Variants in SCN3A observed in about 807,000 individuals in gnomAD.
The protein encoded by SCN3A is sodium channel protein type 3 subunit alpha.
In SCN3A, 60 loss-of-function variants were observed where a neutral mutation model predicts 187.6. That is an observed-to-expected ratio of 0.32 (90% CI 0.26 to 0.40). SCN3A has a LOEUF of 0.40. Among genes scored for constraint, SCN3A ranks in the 10% least tolerant of loss-of-function variants. The pLI, the probability that SCN3A is intolerant of heterozygous loss-of-function variation, is 1.00. For missense variants in SCN3A, 1,601 were observed against 2,428.2 expected, an observed-to-expected ratio of 0.66 and a Z score of 7.16; for synonymous variants, 788 against 829.2, an observed-to-expected ratio of 0.95 and a Z score of 0.85.
chr2:165,159,650 C>T (rs1289194405), intron 9 of SCN3A, among the ~76,000 whole-genome samples: 1 of 133,654 alleles, frequency 7.5e-6, no homozygotes, highest in Non-Finnish European at 1.5e-5. Context: ...GAATGAGCTA[C>T]TTCACCTAGC....
chr2:165,171,456 G>A (rs1214138483), intron 3 of SCN3A, among the ~76,000 whole-genome samples: 5 of 151,996 alleles, frequency 3.3e-5, no homozygotes, highest in Admixed American at 2.0e-4. Flanking sequence ...TTATGTCAGA[G>A]GTTCTTAATC....
chr2:165,117,069 T>G (rs1686408382), intron 18 of SCN3A, among the ~76,000 whole-genome samples: 1 of 151,886 alleles, frequency 6.6e-6, no homozygotes, highest in African/African-American at 2.4e-5. Context: ...TTTATTCATT[T>G]AAGAAAGACC....
chr2:165,177,110 T>A (rs1270771063), intron 2 of SCN3A, among the ~76,000 whole-genome samples: 2 of 152,200 alleles, frequency 1.3e-5, no homozygotes. Context: ...CTATCTTTAG[T>A]ATTTCCTTTC....
chr2:165,092,444 G>T lies in SCN3A; in HGVS notation c.4617C>A (p.Asn1539Lys). 6.2e-7 allele frequency: 1 copy of T among 1,614,028 alleles called. No individual in the cohort carries two copies. The highest frequency in any genetic ancestry group is 8.5e-7 in the Non-Finnish European group (1 of 1,179,942). ...CCGTTTCCACCATCATGGTGACCAT[G>T]TTGAGGCAGATGAGGATCATGATGC... ...DISIMILICL[N>K]MVTMMVETDD... is the part of the protein sequence containing the mutation. Residue 1539 changes from asparagine to lysine, a missense_variant, in exon 27 of 28, where the codon AAC becomes AAA. Asn to Lys is a moderately conservative substitution (Grantham distance 94). Around this residue, in one of 11 missense-constraint regions of SCN3A, gnomAD observed 320 missense variants for 623.2 expected, o/e 0.51. Coordinates refer to ENST00000283254, the MANE Select transcript of SCN3A (RefSeq NM_006922.4). This position sits in a 1 kb window ranked among gnomAD's most constrained non-coding sequence, Gnocchi z 4.2.
chr2:165,202,026 C>A (rs987611554), intron 1 of SCN3A, among the ~76,000 whole-genome samples: 1 of 152,068 alleles, frequency 6.6e-6, no homozygotes. Context: ...GATCCCAAGA[C>A]TTTCAGCTCA....
At chr2:165,155,042 G>A (rs1456691619) in intron 10 of SCN3A, among the ~76,000 whole-genome samples, 1 of 152,070 alleles carries the variant, frequency 6.6e-6, no homozygotes, top group Non-Finnish European at 1.5e-5. Context: ...GATGACTTTT[G>A]CTCCCCTCCC....
chr2:165,172,400 A>G (rs1690163984), intron 3 of SCN3A, among the ~76,000 whole-genome samples: 1 of 152,182 alleles, frequency 6.6e-6, no homozygotes, highest in Admixed American at 6.5e-5. Flanking sequence ...CTTTACTAGC[A>G]GTAGGACTGT....
intron 1 of SCN3A, among the ~76,000 whole-genome samples, chr2:165,192,887 T>C (rs562559765): frequency 3.3e-5 from 5 of 152,260 alleles, no homozygotes; most frequent in East Asian, 1.9e-4. Flanking sequence ...GTGGATACAA[T>C]TGCCCAAACA....
intron 9 of SCN3A, among the ~76,000 whole-genome samples, chr2:165,161,039 T>A (rs1361568681): frequency 6.6e-6 from 1 of 152,104 alleles, no homozygotes; most frequent in Admixed American, 6.5e-5. Context: ...CCTTCTACTT[T>A]AGCCCCCTGA....
intron 22 of SCN3A, among the ~76,000 whole-genome samples, chr2:165,099,504 G>A (rs1685505509): frequency 2.0e-5 from 3 of 152,148 alleles, no homozygotes; most frequent in Non-Finnish European, 4.4e-5. Context: ...GGATCATGAG[G>A]TCAGGGGATC....
chr2:165,115,330 A>T, intron 19 of SCN3A, 125 bp downstream of exon 19: 1 of 1,226,738 alleles, frequency 8.2e-7, no homozygotes, highest in Non-Finnish European at 1.2e-6. Flanking sequence ...GCCTCCCAAA[A>T]TTTTGGGGTT....
At chr2:165,118,199 A>G (rs1214066447) in intron 18 of SCN3A, among the ~76,000 whole-genome samples, 2 of 151,868 alleles carry the variant, frequency 1.3e-5, no homozygotes, top group Admixed American at 6.6e-5. Context: ...ATAGAGAGGG[A>G]CAGTGATCAC....
Position 165,090,227 on chromosome 2 carries a change from G to A in SCN3A, c.5926C>T (p.Pro1976Ser). ...SPPSYDSVTK[P>S]DKEKFEKDKP... ...TCTTTCTCAAACTTTTCCTTGTCTGGTTTTGTTACACTATCATAGGAAGGA... is the reference window on the plus strand; with the variant it reads ...TCTTTCTCAAACTTTTCCTTGTCTGATTTTGTTACACTATCATAGGAAGGA... Residue 1976 changes from proline to serine, a missense_variant, in exon 28 of 28, where the codon CCA (proline) becomes TCA (serine). By Grantham distance (74) the Pro-to-Ser change is moderately conservative. Around this residue, in one of 11 missense-constraint regions of SCN3A, gnomAD observed 87 missense variants for 89.2 expected, o/e 0.98. Transcript: ENST00000283254. The surrounding 1 kb of genome is among the most constrained non-coding windows in gnomAD (Gnocchi z 4.0). 6.2e-7 allele frequency: 1 copy of A among 1,609,038 alleles called. No homozygotes were observed. The highest frequency in any genetic ancestry group is 8.5e-7 in the Non-Finnish European group (1 of 1,176,828).
At chr2:165,120,200 A>C (rs894652421) in intron 18 of SCN3A, among the ~76,000 whole-genome samples, 1 of 152,024 alleles carries the variant, frequency 6.6e-6, no homozygotes, top group Non-Finnish European at 1.5e-5. Flanking sequence ...CTGATCCAAG[A>C]ACCATGTCCT....
At chr2:165,201,456 C>G (rs1312561006) in intron 1 of SCN3A, among the ~76,000 whole-genome samples, 1 of 151,918 alleles carries the variant, frequency 6.6e-6, no homozygotes, top group Non-Finnish European at 1.5e-5. Context: ...TTATGTTTGT[C>G]CTGTTCCTTT....
rs912224991 is a variant in SCN3A, at chr2:165,197,970, G to A, written c.-248+5853C>T. ...ACAATAAAACAGTTTAGAATTTTGA[G>A]ACCATACAGGTCTCAAGGACATGTA... On this transcript the variant is annotated intron_variant, in intron 1 of 27. Transcript: ENST00000283254. Among the ~76,000 whole-genome samples the A allele has an allele frequency of 2.7e-5, 4 of 150,104 alleles. No homozygotes were observed. In the East Asian group the frequency reaches 7.8e-4, roughly 29 times the overall value.
In SCN3A at chr2:165,191,927, GT is replaced by G. The variant is rs568673095; in HGVS notation, c.-247-5181del. Among the ~76,000 whole-genome samples, 708 of 144,756 alleles carry G rather than the reference GT, an allele frequency of 4.9e-3. 4 individuals are homozygous for G. Among genetic ancestry groups the G allele is most frequent in the Middle Eastern group, 0.029 (8 of 272 alleles). 95.0% of individuals were successfully genotyped at this position (144,756 alleles called of 152,430 possible). ...ATTTTGGTTTCTGAAAAATTTAGTAGTTTTTTTTTTTAGATTTATTATTTGG... is the reference window on the plus strand; with the variant it reads ...ATTTTGGTTTCTGAAAAATTTAGTAGTTTTTTTTTTAGATTTATTATTTGG... On this transcript the variant is annotated intron_variant, in intron 1 of 27. Coordinates refer to ENST00000283254, the MANE Select transcript of SCN3A (RefSeq NM_006922.4).
intron 15 of SCN3A, among the ~76,000 whole-genome samples, chr2:165,132,654 G>T (rs574368829): frequency 6.6e-6 from 1 of 152,272 alleles, no homozygotes; most frequent in African/African-American, 2.4e-5. Flanking sequence ...AGACTTAAAA[G>T]TTAGACCTAA....
chr2:165,198,645 A>G (rs180950593), intron 1 of SCN3A, among the ~76,000 whole-genome samples: 100 of 152,118 alleles, frequency 6.6e-4, no homozygotes, highest in Admixed American at 1.1e-3. Flanking sequence ...TAAAAAGGGC[A>G]TGCATTCACT....
Sources: gnomAD v4.1 joint callset for allele counts (sites outside exome capture counted in the v4.1 genomes callset) on GRCh38, gnomAD v4.1.1 for gene constraint, gnomAD v4.1.1 regional missense constraint, Gnocchi (gnomAD v3.1) non-coding constraint, MANE v1.5 for transcripts, NCBI Gene and HGNC (gene_info 2026-07-23, HGNC 2026-07-21) for gene names.